The following SORCS3 variants were observed in gnomAD, a reference collection of about 807,000 sequenced individuals.
The protein encoded by SORCS3 is sortilin related VPS10 domain containing receptor 3, also known as VPS10 domain-containing receptor SorCS3.
Under a neutral mutation model 146.3 loss-of-function variants are expected in SORCS3, and 57 were observed. That is an observed-to-expected ratio of 0.39 (90% CI 0.31 to 0.49). The LOEUF (loss-of-function observed/expected upper bound fraction) is 0.49. SORCS3 is among the 20% of genes least tolerant of loss of function. The pLI, the probability that SORCS3 is intolerant of heterozygous loss-of-function variation, is 0.92. For synonymous variants in SORCS3, 653 were observed against 618.5 expected (o/e 1.06, Z -0.83); for missense variants, 1,341 against 1,575.5 (o/e 0.85, Z 2.52).
intron 5 of SORCS3, among the ~76,000 whole-genome samples, chr10:105,073,466 C>T (rs2055570442): frequency 6.6e-6 from 1 of 152,208 alleles, no homozygotes; most frequent in South Asian, 2.1e-4. Context: ...CAGCCCCACC[C>T]AAGATGCCCT....
intron 3 of SORCS3, among the ~76,000 whole-genome samples, chr10:104,916,642 T>C (rs181421414): frequency 2.0e-5 from 3 of 152,278 alleles, no homozygotes; most frequent in Non-Finnish European, 4.4e-5. Context: ...ATGTATTATC[T>C]TTGGGGAGAT....
chr10:105,131,634 A>G (rs1439227051), intron 7 of SORCS3, among the ~76,000 whole-genome samples: 1 of 152,140 alleles, frequency 6.6e-6, no homozygotes, highest in African/African-American at 2.4e-5. Context: ...TGGGGAATTT[A>G]TAAAGAAAAG....
intron 4 of SORCS3, among the ~76,000 whole-genome samples, chr10:104,994,641 G>A (rs979782206): frequency 3.7e-4 from 57 of 152,090 alleles, no homozygotes; most frequent in African/African-American, 1.2e-3. Context: ...ACAATTGGTG[G>A]TACTCTTTAT....
At chr10:104,848,663 T>A (rs2018235249) in intron 2 of SORCS3, among the ~76,000 whole-genome samples, 1 of 152,184 alleles carries the variant, frequency 6.6e-6, no homozygotes, top group African/African-American at 2.4e-5. Context: ...AAATCCTCCG[T>A]CTAAAACTGG....
chr10:105,262,576 A>G (rs909033645), intron 26 of SORCS3, 85 bp downstream of exon 26: 131 of 1,399,046 alleles, frequency 9.4e-5, no homozygotes, highest in Non-Finnish European at 1.2e-4. Context: ...ACATTACTGG[A>G]CTGGAGGGTG....
intron 2 of SORCS3, among the ~76,000 whole-genome samples, chr10:104,914,358 C>T (rs12246569): frequency 0.33 from 49,666 of 151,956 alleles, 9,636 homozygotes; most frequent in African/African-American, 0.54. Context: ...GAAATCTGTT[C>T]TGGTGCAGAA....
At chr10:104,758,392 T>C (rs2017082229) in intron 1 of SORCS3, among the ~76,000 whole-genome samples, 1 of 152,170 alleles carries the variant, frequency 6.6e-6, no homozygotes, top group Admixed American at 6.5e-5. Context: ...ATAATCTCAC[T>C]CATTTATTCC....
intron 1 of SORCS3, among the ~76,000 whole-genome samples, chr10:104,667,401 A>T (rs1405253586): frequency 6.6e-6 from 1 of 151,776 alleles, no homozygotes; most frequent in Non-Finnish European, 1.5e-5. Context: ...CTTCCTACTG[A>T]TCTCTGATCT....
At chr10:105,208,296 G>A (rs1013511129) in intron 16 of SORCS3, among the ~76,000 whole-genome samples, 4 of 151,212 alleles carry the variant, frequency 2.6e-5, no homozygotes, top group Non-Finnish European at 4.4e-5. Flanking sequence ...ATCTGAGATC[G>A]CGTCCCTGCA....
rs2016179484 is a variant in SORCS3 at position 104,696,096 on chromosome 10, ATATCATATACACATATTATATATAAT to A, written c.627+54143_627+54168del. Among the ~76,000 whole-genome samples, 22 of 118,636 alleles carry A rather than the reference ATATCATATACACATATTATATATAAT, an allele frequency of 1.9e-4. 1 individual carries two copies. Among genetic ancestry groups the A allele is most frequent in the Admixed American group, 9.4e-4 (9 of 9,604 alleles). 77.8% of individuals were successfully genotyped at this position (118,636 alleles called of 152,430 possible). A position where few individuals can be genotyped will look rare whatever the true frequency, so the allele number is the denominator to read the frequency against. On this transcript the variant is annotated intron_variant, in intron 1 of 26. Coordinates refer to ENST00000369701, the MANE Select transcript of SORCS3 (RefSeq NM_014978.3). Reference sequence around the variant, plus strand: ...TATATATCATATACACATATATAATATATCATATACACATATTATATATAATATATATCATATACACATATTATATA... The same window carrying A: ...TATATATCATATACACATATATAATAATATATCATATACACATATTATATA...
chr10:105,200,842 A>G (rs1203429323), intron 15 of SORCS3, among the ~76,000 whole-genome samples: 1 of 152,140 alleles, frequency 6.6e-6, no homozygotes, highest in Non-Finnish European at 1.5e-5. Flanking sequence ...GAGTCCTTAC[A>G]TTCTCTATGG....
chr10:104,657,636 C>T (rs768218476), intron 1 of SORCS3, among the ~76,000 whole-genome samples: 23 of 152,188 alleles, frequency 1.5e-4, no homozygotes, highest in Non-Finnish European at 3.1e-4. Context: ...TTCCTTCTCA[C>T]TCTCCTTCTG....
chr10:105,149,303 G>A (rs1171646045), intron 9 of SORCS3, among the ~76,000 whole-genome samples: 1 of 152,090 alleles, frequency 6.6e-6, no homozygotes. Context: ...TTAAAAGAAG[G>A]AGTGAATGTC....
At chr10:104,701,134 T>C (rs1300940853) in intron 1 of SORCS3, among the ~76,000 whole-genome samples, 1 of 152,196 alleles carries the variant, frequency 6.6e-6, no homozygotes, top group Admixed American at 6.5e-5. Flanking sequence ...GTTCTACCTC[T>C]CTGGAAAACA....
At chr10:105,016,155 A>ATATATATATATATATATATATATATTT (rs71482443) in intron 4 of SORCS3, among the ~76,000 whole-genome samples, 6 of 101,306 alleles carry the variant, frequency 5.9e-5, no homozygotes, top group African/African-American at 2.4e-4. Context: ...ATATATATAT[A>ATATATATATATATATATATATATATTT]TTTTTTTTTT....
intron 1 of SORCS3, among the ~76,000 whole-genome samples, chr10:104,724,319 C>T (rs1221597744): frequency 6.6e-6 from 1 of 152,178 alleles, no homozygotes; most frequent in African/African-American, 2.4e-5. Flanking sequence ...TCTCTTCTGA[C>T]TTGTAGAGTT....
intron 4 of SORCS3, among the ~76,000 whole-genome samples, chr10:105,036,312 C>T (rs1020334768): frequency 3.9e-5 from 6 of 152,136 alleles, no homozygotes; most frequent in African/African-American, 1.2e-4. Flanking sequence ...CTTCTACCTC[C>T]GTTGGCACGA....
Position 105,247,236 on chromosome 10 carries a change from C to A in SORCS3, c.3010C>A (p.Leu1004Ile). 6.2e-7 allele frequency: 1 copy of A among 1,602,864 alleles called. No homozygotes were observed. Among genetic ancestry groups the A allele is most frequent in the South Asian group, 1.1e-5 (1 of 90,064 alleles). Residue 1004 changes from leucine to isoleucine, a missense_variant, in exon 22 of 27, where the codon CTT (leucine) becomes ATT (isoleucine). Transcript: ENST00000369701. ...CCCTGCAGAATATTTCCAGTCCCAG[C>A]TTTTATCATTCTCTCCTAATCTGGA... ...IAVHEYFQSQ[L>I]LSFSPNLDYH...
chr10:105,074,983 C>G (rs1589620108), intron 5 of SORCS3, among the ~76,000 whole-genome samples: 1 of 152,222 alleles, frequency 6.6e-6, no homozygotes, highest in East Asian at 1.9e-4. Flanking sequence ...TTTCCCCCTT[C>G]TGCACATTAT....
Sources: gnomAD v4.1 joint callset for allele counts (sites outside exome capture counted in the v4.1 genomes callset) on GRCh38, gnomAD v4.1.1 for gene constraint, MANE v1.5 for transcripts, NCBI Gene and HGNC (gene_info 2026-07-23, HGNC 2026-07-21) for gene names.